The following TTC38 variants were observed in gnomAD, a reference collection of about 807,000 sequenced individuals.
TTC38 encodes the protein tetratricopeptide repeat protein 38.
A neutral mutation model predicts 64.2 loss-of-function variants in TTC38; 64 were observed. The observed-to-expected ratio is 1.00, with a 90% confidence interval of 0.81 to 1.23. The LOEUF is 1.23. TTC38 is among the 50% of genes most tolerant of loss of function. The pLI, the probability that TTC38 is intolerant of heterozygous loss-of-function variation, is 0.00. For synonymous variants in TTC38, 254 were observed against 249.3 expected, an observed-to-expected ratio of 1.02 and a Z score of -0.18; for missense variants, 573 against 615.5, an observed-to-expected ratio of 0.93 and a Z score of 0.73.
In TTC38 at chr22:46,276,824, A is replaced by AATATATATATATATTAAATATATATATAT. The variant is rs2077492734; in HGVS notation, c.539+1417_539+1418insTAAATATATATATATATATATATATATAT. Among the ~76,000 whole-genome samples the AATATATATATATATTAAATATATATATAT allele has an allele frequency of 1.4e-4, 19 of 139,540 alleles. No homozygotes were observed. The highest frequency in any genetic ancestry group is 4.4e-4 in the African/African-American group (16 of 36,174). The allele number at this position is 139,540 out of a possible 152,430, so 91.5% of individuals were successfully genotyped here. On this transcript the variant is annotated intron_variant, in intron 5 of 13. Transcript: ENST00000381031. The surrounding 1 kb of genome is among the most constrained non-coding windows in gnomAD (Gnocchi z 4.7). ...ATTATATATTAAAATATATATATTA[A>AATATATATATATATTAAATATATATATAT]ATATATATATATATATAAACATATA...
chr22:46,290,292 C>T (rs1601887015), intron 13 of TTC38, among the ~76,000 whole-genome samples: 1 of 152,178 alleles, frequency 6.6e-6, no homozygotes, highest in Non-Finnish European at 1.5e-5. Flanking sequence ...TGCTGGGTAC[C>T]GAGAGGGAGC....
In TTC38 at chr22:46,274,184, C is replaced by T; in HGVS notation, c.365+115C>T. On this transcript the variant is annotated intron_variant, in intron 4 of 13. Transcript: ENST00000381031. This position sits in a 1 kb window ranked among gnomAD's most constrained non-coding sequence, Gnocchi z 4.8. ...GGGCGGGGTGGGAGAATGCTTCTCT[C>T]CCTGCCTCCTGAGATGCTCTGATGG... 1.1e-6 allele frequency: 1 copy of T among 914,106 alleles called. No homozygotes were observed. The highest frequency in any genetic ancestry group is 1.7e-6 in the Non-Finnish European group (1 of 602,922). The allele number at this position is 914,106 out of a possible 1,614,324, so 56.6% of individuals were successfully genotyped here. A position where few individuals can be genotyped will look rare whatever the true frequency, so the allele number is the denominator to read the frequency against.
chr22:46,285,707 AATAAC>A (rs1363133134), intron 9 of TTC38, among the ~76,000 whole-genome samples: 2 of 152,032 alleles, frequency 1.3e-5, no homozygotes, highest in African/African-American at 4.8e-5. Context: ...ATAAAATAAA[AATAAC>A]ATAAAATTAC....
chr22:46,289,166 CTG>C (rs1378406178), intron 11 of TTC38, among the ~76,000 whole-genome samples: 1 of 152,202 alleles, frequency 6.6e-6, no homozygotes, highest in African/African-American at 2.4e-5. Flanking sequence ...GATGAGCAAA[CTG>C]AGGCTGGAAG....
chr22:46,269,858 T>C (rs958022994), intron 2 of TTC38, among the ~76,000 whole-genome samples: 6 of 152,198 alleles, frequency 3.9e-5, no homozygotes, highest in African/African-American at 1.4e-4. Flanking sequence ...AATGGCGCAG[T>C]CTTGACTCAC....
At chr22:46,288,700 AG>A (rs1408811533) in intron 11 of TTC38, 112 bp downstream of exon 11, 24 of 1,123,368 alleles carry the variant, frequency 2.1e-5, no homozygotes, top group Non-Finnish European at 2.9e-5. Context: ...TGAGTGCAGC[AG>A]GGGGGATGCC....
In TTC38 at chr22:46,271,793, G is replaced by C. The variant is rs1936901984; in HGVS notation, c.112-542G>C. Among the ~76,000 whole-genome samples, 1 of 152,204 alleles carries C rather than the reference G, an allele frequency of 6.6e-6. No homozygotes were observed. Among genetic ancestry groups the C allele is most frequent in the South Asian group, 2.1e-4 (1 of 4,834 alleles). ...TCCAAAGTACTGGGATTACAGGCGT[G>C]AGCCATCGCGCCCAGCCAGAACCTG... On this transcript the variant is annotated intron_variant, in intron 2 of 13. Transcript: ENST00000381031. The surrounding 1 kb of genome is among the most constrained non-coding windows in gnomAD (Gnocchi z 5.5).
At chr22:46,285,913 G>A (rs554060561) in intron 9 of TTC38, among the ~76,000 whole-genome samples, 4 of 149,414 alleles carry the variant, frequency 2.7e-5, no homozygotes, top group Non-Finnish European at 4.4e-5. Flanking sequence ...TACTCGGGGG[G>A]CTGAGGCACG....
chr22:46,269,912 C>T (rs1357807221), intron 2 of TTC38, among the ~76,000 whole-genome samples: 1 of 152,186 alleles, frequency 6.6e-6, no homozygotes, highest in Non-Finnish European at 1.5e-5. Context: ...CCTGCCTCAG[C>T]CTCCGAAGTA....
In TTC38 at chr22:46,275,350, C is replaced by T. The variant is rs755918026; in HGVS notation, c.468C>T (p.Gly156=). The T allele has an allele frequency of 2.4e-5, 39 of 1,614,008 alleles. No individual in the cohort carries two copies. The highest frequency in any genetic ancestry group is 3.1e-5 in the Non-Finnish European group (37 of 1,180,012). The change falls in exon 5 of 14, where the codon GGC becomes GGT. Residue 156 remains glycine, a synonymous_variant. Transcript: ENST00000381031. This position sits in a 1 kb window ranked among gnomAD's most constrained non-coding sequence, Gnocchi z 4.5. ...KFSHDAYFYL[G]YQEQMRDSVA... ...CCCATGATGCTTATTTTTACCTGGG[C>T]TATCAGGAACAGATGAGAGATTCTG...
chr22:46,293,257 C>A lies in TTC38; in HGVS notation c.*373C>A, dbSNP rs565907006. The A allele has an allele frequency of 2.6e-5, 6 of 230,302 alleles. No homozygotes were observed. The highest frequency in any genetic ancestry group is 1.4e-4 in the Admixed American group (3 of 20,792). The allele number at this position is 230,302 out of a possible 1,614,324, so 14.3% of individuals were successfully genotyped here. A position where few individuals can be genotyped will look rare whatever the true frequency, so the allele number is the denominator to read the frequency against. On this transcript the variant is annotated 3_prime_UTR_variant, in exon 14 of 14. Coordinates refer to ENST00000381031, the MANE Select transcript of TTC38 (RefSeq NM_017931.4). This position sits in a 1 kb window ranked among gnomAD's most constrained non-coding sequence, Gnocchi z 6.6. ...GGACAGGTCTTCCAGAGGCAGCCTC[C>A]CCCCACTGCCTGTCCCCGTCCCCAC...
rs1936948534 is a variant in TTC38, at chr22:46,273,850, C to T, written c.194-48C>T. ...CATGTGGAGTCTGGGCTGGGATGGG[C>T]TGAGCTGGACCATCTGAACCACCAG... On this transcript the variant is annotated intron_variant, in intron 3 of 13. Transcript: ENST00000381031. This position sits in a 1 kb window ranked among gnomAD's most constrained non-coding sequence, Gnocchi z 5.1. The T allele has an allele frequency of 5.0e-6, 8 of 1,600,430 alleles. No homozygotes were observed. The highest frequency in any genetic ancestry group is 6.8e-6 in the Non-Finnish European group (8 of 1,169,952).
rs1025928522 is a variant in TTC38 at position 46,292,374 on chromosome 22, T to C, written c.1317-417T>C. 2 of 315,096 alleles carry C rather than the reference T, an allele frequency of 6.3e-6. No individual in the cohort carries two copies. Among genetic ancestry groups the C allele is most frequent in the Non-Finnish European group, 1.3e-5 (2 of 158,232 alleles). The allele number at this position is 315,096 out of a possible 1,614,324, so 19.5% of individuals were successfully genotyped here. The stretch of plus-strand genomic sequence containing the variant: ...CTTCTTATAAGGGCACTAATCCCAT[T>C]CACAAGGGCCCCACCCTCATGACTT... On this transcript the variant is annotated intron_variant, in intron 13 of 13. Transcript: ENST00000381031. This position sits in a 1 kb window ranked among gnomAD's most constrained non-coding sequence, Gnocchi z 6.5.
rs1215786293 is a variant in TTC38 at position 46,274,031 on chromosome 22, G to A, written c.327G>A (p.Glu109=). Residue 109 remains glutamate, a synonymous_variant, in exon 4 of 14, where the codon GAG becomes GAA. Transcript: ENST00000381031. The surrounding 1 kb of genome is among the most constrained non-coding windows in gnomAD (Gnocchi z 4.8). ...GAACCCAGCCGCTGACAAGGCGGGAGCAGCTGCACGTGTCTGCAGTAGAGA... is the reference window on the plus strand; with the variant it reads ...GAACCCAGCCGCTGACAAGGCGGGAACAGCTGCACGTGTCTGCAGTAGAGA... ...ISRTQPLTRR[E]QLHVSAVETF... 8.1e-6 allele frequency: 13 copies of A among 1,614,078 alleles called. No individual in the cohort carries two copies. Among genetic ancestry groups the A allele is most frequent in the Non-Finnish European group, 8.5e-6 (10 of 1,180,054 alleles).
At position 46,274,975 on chromosome 22, in the gene TTC38, A is replaced by G. The variant is rs902727050; in HGVS notation, c.366-273A>G. Among the ~76,000 whole-genome samples the G allele has an allele frequency of 6.6e-6, 1 of 152,006 alleles. No homozygotes were observed. Among genetic ancestry groups the G allele is most frequent in the Admixed American group, 6.6e-5 (1 of 15,256 alleles). ...GTAGCTGGGATTACAGGCACATATC[A>G]CCACACCCTGCTCATTTTTGTATTT... is the stretch of plus-strand genomic sequence containing the variant. On this transcript the variant is annotated intron_variant, in intron 4 of 13. Transcript: ENST00000381031. This position sits in a 1 kb window ranked among gnomAD's most constrained non-coding sequence, Gnocchi z 4.8.
At chr22:46,290,536 C>T (rs1474962187) in intron 13 of TTC38, among the ~76,000 whole-genome samples, 2 of 120,792 alleles carry the variant, frequency 1.7e-5, no homozygotes, top group East Asian at 2.1e-4. Flanking sequence ...GTTAGGGCAG[C>T]GTGGCTGGAG....
In TTC38 at chr22:46,269,629, A is replaced by C. The variant is rs556531881; in HGVS notation, c.111+1038A>C. On this transcript the variant is annotated intron_variant, in intron 2 of 13. Transcript: ENST00000381031. The stretch of plus-strand genomic sequence containing the variant: ...GCTCTTAGAAGCCTACGGGCTGAAC[A>C]AGAGAGGACTGATGGAATGCTGTGA... 2.6e-5 allele frequency among the ~76,000 whole-genome samples: 4 copies of C among 152,338 alleles called. No individual in the cohort carries two copies. In the South Asian group the frequency reaches 8.3e-4, roughly 32 times the overall value.
intron 2 of TTC38, among the ~76,000 whole-genome samples, chr22:46,269,620 G>A (rs1472781410): frequency 6.6e-6 from 1 of 152,180 alleles, no homozygotes; most frequent in Non-Finnish European, 1.5e-5. Context: ...AGAAGCCTAC[G>A]GGCTGAACAA....
chr22:46,293,328 TAG>T lies in TTC38; in HGVS notation c.*446_*447del, dbSNP rs1202809312. ...CCTTTTCATTCTTTTCTTTATATTC[TAG>T]ACAGTCTCTGTTGTCTCATTGTGTT... On this transcript the variant is annotated 3_prime_UTR_variant, in exon 14 of 14. Transcript: ENST00000381031. The surrounding 1 kb of genome is among the most constrained non-coding windows in gnomAD (Gnocchi z 6.6). 1 of 176,466 alleles carries T rather than the reference TAG, an allele frequency of 5.7e-6. No homozygotes were observed. The highest frequency in any genetic ancestry group is 1.2e-5 in the Non-Finnish European group (1 of 80,770). 10.9% of individuals were successfully genotyped at this position (176,466 alleles called of 1,614,324 possible).
Sources: gnomAD v4.1 joint callset for allele counts (sites outside exome capture counted in the v4.1 genomes callset) on GRCh38, gnomAD v4.1.1 for gene constraint, Gnocchi (gnomAD v3.1) non-coding constraint, MANE v1.5 for transcripts, NCBI Gene and HGNC (gene_info 2026-07-23, HGNC 2026-07-21) for gene names.